CTNNA2: variants seen among roughly 807,000 people sequenced by gnomAD.
CTNNA2 encodes catenin alpha 2, also known as catenin alpha-2.
A neutral mutation model predicts 101.0 loss-of-function variants in CTNNA2; 42 were observed. That is an observed-to-expected ratio of 0.42 (90% confidence interval 0.32 to 0.54). The LOEUF is 0.54. Among genes scored for constraint, CTNNA2 ranks in the 20% least tolerant of loss-of-function variants. The pLI is 0.14. For synonymous variants in CTNNA2, 450 were observed against 456.4 expected (o/e 0.99, Z 0.18); for missense variants, 871 against 1,223.1 (o/e 0.71, Z 4.29).
At chr2:79,664,429 A>G (rs1029639181) in intron 2 of CTNNA2, among the ~76,000 whole-genome samples, 10 of 152,170 alleles carry the variant, frequency 6.6e-5, no homozygotes, top group Admixed American at 4.6e-4. Flanking sequence ...GAATACAGGG[A>G]CAATATATAT....
chr2:79,772,270 C>T (rs753013329), intron 3 of CTNNA2, among the ~76,000 whole-genome samples: 32 of 152,268 alleles, frequency 2.1e-4, no homozygotes, highest in African/African-American at 6.7e-4. Context: ...GTCTTCAACA[C>T]GTCCATCCAC....
At chr2:79,725,363 A>G (rs1306120557) in intron 2 of CTNNA2, among the ~76,000 whole-genome samples, 2 of 152,234 alleles carry the variant, frequency 1.3e-5, no homozygotes, top group Non-Finnish European at 1.5e-5. Context: ...CCCCTCTTTG[A>G]CATAGGTTAA....
At chr2:80,054,848 T>C (rs2104349324) in intron 7 of CTNNA2, among the ~76,000 whole-genome samples, 1 of 152,266 alleles carries the variant, frequency 6.6e-6, no homozygotes, top group Non-Finnish European at 1.5e-5. Flanking sequence ...TGGGGTACTG[T>C]AAATCTCTCC....
At chr2:79,275,784 G>C (rs575715720) in intron 2 of CTNNA2, among the ~76,000 whole-genome samples, 1 of 151,952 alleles carries the variant, frequency 6.6e-6, no homozygotes, top group South Asian at 2.1e-4. Context: ...CTATGCATTG[G>C]GCATTGTGTT....
At chr2:80,132,413 G>A (rs533741863) in intron 7 of CTNNA2, among the ~76,000 whole-genome samples, 1 of 152,070 alleles carries the variant, frequency 6.6e-6, no homozygotes, top group African/African-American at 2.4e-5. Context: ...AAATATAAAT[G>A]TATCACAGGA....
rs548227518 is a variant in CTNNA2 at position 79,257,647 on chromosome 2, G to T, written c.-405-55062G>T. On this transcript the variant is annotated intron_variant, in intron 2 of 21. Coordinates refer to the CTNNA2 transcript ENST00000466387. ...GAATACATCACAGAGTCTATCAAAA[G>T]GTAAAATGGGATTTAAGAAGATTAA... Among the ~76,000 whole-genome samples, 29 of 152,010 alleles carry T rather than the reference G, an allele frequency of 1.9e-4. 3 individuals are homozygous for T. The South Asian group carries it at 5.8e-3, about 31-fold the overall frequency.
intron 7 of CTNNA2, among the ~76,000 whole-genome samples, chr2:80,154,838 C>T (rs1392207785): frequency 6.6e-6 from 1 of 152,118 alleles, no homozygotes; most frequent in Non-Finnish European, 1.5e-5. Context: ...AATTCCTTTA[C>T]ATTCTTAAAA....
chr2:79,811,192 G>T (rs1045839582), intron 3 of CTNNA2, among the ~76,000 whole-genome samples: 3 of 151,998 alleles, frequency 2.0e-5, no homozygotes, highest in Non-Finnish European at 2.9e-5. Context: ...AGCACCTGTT[G>T]TTTCCTGACT....
intron 2 of CTNNA2, among the ~76,000 whole-genome samples, chr2:79,308,129 C>G (rs1219769214): frequency 6.6e-6 from 1 of 152,198 alleles, no homozygotes; most frequent in Non-Finnish European, 1.5e-5. Flanking sequence ...ACTGCAAGCT[C>G]AGCTTCCCAG....
chr2:80,265,583 C>T (rs318363), intron 7 of CTNNA2, among the ~76,000 whole-genome samples: 58,896 of 152,004 alleles, frequency 0.39, 14,094 homozygotes, highest in Non-Finnish European at 0.53. Context: ...GTGACATAGA[C>T]CACCCCTTGT....
chr2:80,346,653 T>C (rs1209924800), intron 7 of CTNNA2, among the ~76,000 whole-genome samples: 1 of 152,178 alleles, frequency 6.6e-6, no homozygotes, highest in Non-Finnish European at 1.5e-5. Flanking sequence ...ATTTTATTGA[T>C]AAGGGGTTCA....
Position 80,647,923 on chromosome 2 carries a change from T to C in CTNNA2, c.*51T>C. ...TTTTCTTTCTTTTCTTTCTTTCTTT[T>C]TCTTTTTAATTCCATTTTTGTATGC... is the stretch of plus-strand genomic sequence containing the variant. On this transcript the variant is annotated 3_prime_UTR_variant, in exon 19 of 19. Coordinates refer to ENST00000402739, the MANE Select transcript of CTNNA2 (RefSeq NM_001282597.3). 1 of 1,507,078 alleles carries C rather than the reference T, an allele frequency of 6.6e-7. No individual in the cohort carries two copies. Among genetic ancestry groups the C allele is most frequent in the South Asian group, 1.4e-5 (1 of 73,364 alleles). The allele number at this position is 1,507,078 out of a possible 1,614,324, so 93.4% of individuals were successfully genotyped here.
chr2:80,067,833 G>T (rs777514886), intron 7 of CTNNA2, among the ~76,000 whole-genome samples: 1 of 152,090 alleles, frequency 6.6e-6, no homozygotes, highest in African/African-American at 2.4e-5. Flanking sequence ...AGATCCTAAG[G>T]CCTCTTGTCA....
intron 6 of CTNNA2, among the ~76,000 whole-genome samples, chr2:79,894,822 G>T (rs1356109676): frequency 6.6e-6 from 1 of 152,210 alleles, no homozygotes; most frequent in East Asian, 1.9e-4. Context: ...AATAGACAGA[G>T]ATCATGTATT....
chr2:79,897,334 G>GAAAA (rs5832417), intron 6 of CTNNA2, among the ~76,000 whole-genome samples: 3 of 146,138 alleles, frequency 2.1e-5, no homozygotes, highest in African/African-American at 5.1e-5. Flanking sequence ...GCTTTACCGA[G>GAAAA]AAAAAAAAAA....
chr2:79,557,973 AT>A (rs1674546560), intron 1 of CTNNA2, among the ~76,000 whole-genome samples: 1 of 152,042 alleles, frequency 6.6e-6, no homozygotes, highest in Admixed American at 6.6e-5. Context: ...TATAATGCAT[AT>A]TTCACAGCAT....
chr2:79,578,168 T>C (rs1675913334), intron 1 of CTNNA2, among the ~76,000 whole-genome samples: 1 of 152,212 alleles, frequency 6.6e-6, no homozygotes, highest in African/African-American at 2.4e-5. Flanking sequence ...AAGTACATAT[T>C]TGATTACTTA....
intron 7 of CTNNA2, among the ~76,000 whole-genome samples, chr2:80,057,172 G>GTTTTTTTTTTTT (rs1260783289): frequency 7.2e-6 from 1 of 138,306 alleles, no homozygotes; most frequent in African/African-American, 2.9e-5. Flanking sequence ...AAGTATATAA[G>GTTTTTTTTTTTT]TTGTTTTTTT....
At chr2:80,018,132 G>A (rs1202679190) in intron 7 of CTNNA2, among the ~76,000 whole-genome samples, 1 of 152,028 alleles carries the variant, frequency 6.6e-6, no homozygotes, top group Non-Finnish European at 1.5e-5. Flanking sequence ...TACAGAATTC[G>A]GCTTCATAAA....
Sources: allele counts gnomAD v4.1 joint callset (sites outside exome capture counted in the v4.1 genomes callset), GRCh38; gene constraint gnomAD v4.1.1; transcripts MANE v1.5; gene names NCBI Gene and HGNC (gene_info 2026-07-23, HGNC 2026-07-21).